The following ITPR1 variants were observed in gnomAD, a reference collection of about 807,000 sequenced individuals.
The protein encoded by ITPR1 is inositol 1,4,5-trisphosphate-gated calcium channel ITPR1.
Under a neutral mutation model 318.4 loss-of-function variants are expected in ITPR1, and 96 were observed. That is an observed-to-expected ratio of 0.30 (90% CI 0.26 to 0.36). The LOEUF (loss-of-function observed/expected upper bound fraction) is 0.36, where lower values mean the gene tolerates loss of function less well. Among genes scored for constraint, ITPR1 ranks in the 10% least tolerant of loss-of-function variants. The pLI is 1.00. For missense variants in ITPR1, 2,440 were observed against 3,460.2 expected (o/e 0.71, Z 7.40); for synonymous variants, 1,312 against 1,289.9 (o/e 1.02, Z -0.37).
chr3:4,679,647 T>C (rs1436732356), intron 24 of ITPR1, among the ~76,000 whole-genome samples: 1 of 152,230 alleles, frequency 6.6e-6, no homozygotes, highest in East Asian at 1.9e-4. Context: ...CAGTCCATTC[T>C]GGAAACCCCC....
At position 4,672,622 on chromosome 3, in the gene ITPR1, C is replaced by T. The variant is rs568441698; in HGVS notation, c.2205-514C>T. ...GATGAAGATGAAAAGTGAGGAGTCT[C>T]CTACTTTTGTAAATGAAATGTTTTT... On this transcript the variant is annotated intron_variant, in intron 20 of 61. Transcript: ENST00000649015. 1.2e-4 allele frequency among the ~76,000 whole-genome samples: 19 copies of T among 152,280 alleles called. No individual in the cohort carries two copies. In the South Asian group the frequency reaches 3.1e-3, roughly 25 times the overall value.
At chr3:4,583,601 A>C (rs956900101) in intron 4 of ITPR1, among the ~76,000 whole-genome samples, 9 of 152,226 alleles carry the variant, frequency 5.9e-5, no homozygotes, top group African/African-American at 1.7e-4. Flanking sequence ...TAGTTTTAGG[A>C]AAGATACAGC....
At chr3:4,782,421 C>T (rs373323271) in intron 49 of ITPR1, 198 bp from the exon 50 acceptor site, 147 of 435,734 alleles carry the variant, frequency 3.4e-4, no homozygotes, top group Non-Finnish European at 4.6e-4. Context: ...TCATTTCTCA[C>T]GACAGGAGAG....
chr3:4,602,075 C>G (rs1055234194), intron 4 of ITPR1, among the ~76,000 whole-genome samples: 1 of 152,200 alleles, frequency 6.6e-6, no homozygotes, highest in African/African-American at 2.4e-5. Flanking sequence ...TGGCAACTCT[C>G]ACACATTGCT....
rs186965915 is a variant in ITPR1 at position 4,585,270 on chromosome 3, A to G, written c.164-42493A>G. Among the ~76,000 whole-genome samples the G allele has an allele frequency of 3.9e-5, 6 of 152,304 alleles. No homozygotes were observed. In the East Asian group the frequency reaches 7.7e-4, roughly 20 times the overall value. ...GAAACCCAACCAATTACCTCTCTAT[A>G]TAGAATATACAGAATGTTTTGATTT... On this transcript the variant is annotated intron_variant, in intron 4 of 61. Transcript: ENST00000649015.
At chr3:4,578,366 G>A (rs559324681) in intron 4 of ITPR1, among the ~76,000 whole-genome samples, 16 of 152,098 alleles carry the variant, frequency 1.1e-4, no homozygotes, top group South Asian at 4.2e-4. Context: ...AGGAGGGAGC[G>A]GTTCGGTTTG....
Position 4,521,072 on chromosome 3 carries a change from C to A in ITPR1, c.141C>A (p.Asn47Lys). Residue 47 changes from asparagine (N) to lysine (K), a missense_variant, in exon 4 of 62, where the codon AAC becomes AAA. Asn to Lys is a moderately conservative substitution (Grantham distance 94, BLOSUM62 0). This residue lies in a region of ITPR1 where 186 missense variants were observed against 323.9 expected (regional missense o/e 0.57). Transcript: ENST00000649015. ...CVVQPETGDL[N>K]NPPKKFRDCL... ...TACAGCCAGAAACCGGGGACCTTAACAATCCACCTAAGAAATTCAGAGGTA... is the reference window on the plus strand; with the variant it reads ...TACAGCCAGAAACCGGGGACCTTAAAAATCCACCTAAGAAATTCAGAGGTA... 1.2e-6 allele frequency: 2 copies of A among 1,613,526 alleles called. No homozygotes were observed. Among genetic ancestry groups the A allele is most frequent in the Admixed American group, 1.7e-5 (1 of 60,018 alleles).
intron 54 of ITPR1, among the ~76,000 whole-genome samples, chr3:4,802,985 C>T (rs1025703377): frequency 2.0e-5 from 3 of 152,026 alleles, no homozygotes; most frequent in Non-Finnish European, 1.5e-5. Context: ...GCCTGAGACT[C>T]GGTAATTTAT....
intron 37 of ITPR1, among the ~76,000 whole-genome samples, chr3:4,708,627 C>G (rs1008059553): frequency 1.3e-5 from 2 of 152,224 alleles, no homozygotes; most frequent in Non-Finnish European, 2.9e-5. Context: ...TATCTGCAAT[C>G]AAACATGCTG....
intron 2 of ITPR1, among the ~76,000 whole-genome samples, chr3:4,500,055 ATT>A (rs561698925): frequency 2.0e-5 from 3 of 152,200 alleles, no homozygotes; most frequent in Admixed American, 1.3e-4. Flanking sequence ...AGTTCCTGAG[ATT>A]TCGACACAGC....
rs547897908 is a variant in ITPR1, at chr3:4,728,631, A to G, written c.5220+1458A>G. On this transcript the variant is annotated intron_variant, in intron 42 of 61. Transcript: ENST00000649015. ...TCTTTAAGTTACTTTAAAATGTACA[A>G]TTATGTTATTGTTGACTGTAGTCAC... Among the ~76,000 whole-genome samples the G allele has an allele frequency of 5.3e-4, 81 of 152,304 alleles. 1 individual carries two copies. The highest frequency in any genetic ancestry group is 1.8e-3 in the African/African-American group (76 of 41,568).
Position 4,699,954 on chromosome 3 carries a change from C to T in ITPR1, c.4536+13C>T, listed in dbSNP as rs778115053. 1 of 1,609,616 alleles carries T rather than the reference C, an allele frequency of 6.2e-7. No homozygotes were observed. The highest frequency in any genetic ancestry group is 8.5e-7 in the Non-Finnish European group (1 of 1,176,382). The stretch of plus-strand genomic sequence containing the variant: ...TACGACTTTGCAGGTAAGAAATAAC[C>T]AACGTCAAGCAGAATGTTCACGATA... On this transcript the variant is annotated intron_variant, in intron 35 of 61. Transcript: ENST00000649015.
intron 33 of ITPR1, among the ~76,000 whole-genome samples, chr3:4,694,696 T>C (rs2094531025): frequency 6.6e-6 from 1 of 152,232 alleles, no homozygotes; most frequent in Admixed American, 6.5e-5. Flanking sequence ...TATTTGTGTA[T>C]GTAAACATGG....
chr3:4,662,242 G>A lies in ITPR1; in HGVS notation c.1412G>A (p.Arg471Lys). ...EKGTITQNER[R>K]SVTKLLEDLV... ...GGCACCATCACCCAGAATGAAAGGA[G>A]GTGAGCACTCCCGCATGCTCAGCAC... Residue 471 changes from arginine to lysine, a missense_variant and splice_region_variant, in exon 15 of 62, where the codon AGG becomes AAG. Around this residue, in one of 23 missense-constraint regions of ITPR1, gnomAD observed 478 missense variants for 696.3 expected, o/e 0.69. Transcript: ENST00000649015. The A allele has an allele frequency of 6.2e-7, 1 of 1,603,548 alleles. No individual in the cohort carries two copies. The highest frequency in any genetic ancestry group is 8.5e-7 in the Non-Finnish European group (1 of 1,174,060).
chr3:4,745,548 C>G (rs2044042128), intron 44 of ITPR1, among the ~76,000 whole-genome samples: 1 of 152,188 alleles, frequency 6.6e-6, no homozygotes, highest in Non-Finnish European at 1.5e-5. Flanking sequence ...AACACAGGGA[C>G]TTCTCAGGGC....
chr3:4,600,719 A>G (rs2091206631), intron 4 of ITPR1, among the ~76,000 whole-genome samples: 2 of 152,134 alleles, frequency 1.3e-5, no homozygotes. Context: ...TGGTAGACAT[A>G]TTCCTTGGGA....
chr3:4,826,541 CCCAG>C lies in ITPR1; in HGVS notation c.8028+8312_8028+8315del, dbSNP rs781167979. Among the ~76,000 whole-genome samples, 1 of 152,262 alleles carries C rather than the reference CCCAG, an allele frequency of 6.6e-6. No homozygotes were observed. The highest frequency in any genetic ancestry group is 2.4e-5 in the African/African-American group (1 of 41,554). ...TGTGTCAGCGTCACTGGACTCGCCG[CCCAG>C]CCAGCCAGCCAGGCCTCTCTCACCC... is the stretch of plus-strand genomic sequence containing the variant. On this transcript the variant is annotated intron_variant, in intron 60 of 61. Coordinates refer to ENST00000649015, the MANE Select transcript of ITPR1 (RefSeq NM_001378452.1). The surrounding 1 kb of genome is among the most constrained non-coding windows in gnomAD (Gnocchi z 4.2).
At chr3:4,816,987 A>G (rs545176548) in intron 59 of ITPR1, among the ~76,000 whole-genome samples, 22 of 152,320 alleles carry the variant, frequency 1.4e-4, no homozygotes, top group African/African-American at 5.3e-4. Context: ...ATTTGTAACT[A>G]CATGGACTTG....
rs746153832 is a variant in ITPR1 at position 4,806,300 on chromosome 3, G to A, written c.7272+33G>A. 3.8e-6 allele frequency: 6 copies of A among 1,593,252 alleles called. No homozygotes were observed. The South Asian group carries it at 6.6e-5, about 18-fold the overall frequency. The stretch of plus-strand genomic sequence containing the variant: ...CCTGGTGTGGAAATATTTTATGTGT[G>A]GGGAAACTAGGAGAGTGTCCTATGT... On this transcript the variant is annotated intron_variant, in intron 55 of 61. Coordinates refer to ENST00000649015, the MANE Select transcript of ITPR1 (RefSeq NM_001378452.1).
Sources: allele counts gnomAD v4.1 joint callset (sites outside exome capture counted in the v4.1 genomes callset), GRCh38; gene constraint gnomAD v4.1.1; regional missense constraint gnomAD v4.1.1; non-coding constraint Gnocchi (gnomAD v3.1); transcripts MANE v1.5; gene names NCBI Gene and HGNC (gene_info 2026-07-23, HGNC 2026-07-21).